The following SDC3 variants were observed in gnomAD, a reference collection of about 807,000 sequenced individuals.
SDC3 encodes the protein syndecan-3.
A neutral mutation model predicts 24.4 loss-of-function variants in SDC3; 13 were observed. That is an observed-to-expected ratio of 0.53 (90% confidence interval 0.35 to 0.85). The LOEUF (loss-of-function observed/expected upper bound fraction) is 0.85, where lower values mean the gene tolerates loss of function less well. SDC3 is among the 40% of genes least tolerant of loss of function. SDC3 has a pLI of 0.01. For missense variants in SDC3, 571 were observed against 584.5 expected, an observed-to-expected ratio of 0.98 and a Z score of 0.24; for synonymous variants, 295 against 260.9, an observed-to-expected ratio of 1.13 and a Z score of -1.26.
intron 1 of SDC3, among the ~76,000 whole-genome samples, chr1:30,906,842 GA>G (rs1238702935): frequency 6.6e-6 from 1 of 152,168 alleles, no homozygotes; most frequent in Non-Finnish European, 1.5e-5. Flanking sequence ...CTGAGAAGGC[GA>G]CCCCAGCTGC....
At chr1:30,883,954 G>T (rs753000566) in intron 1 of SDC3, among the ~76,000 whole-genome samples, 1 of 152,124 alleles carries the variant, frequency 6.6e-6, no homozygotes, top group Non-Finnish European at 1.5e-5. Flanking sequence ...TGCCCCTCAC[G>T]CTCACCAGAT....
chr1:30,874,730 G>T, intron 3 of SDC3, 142 bp from the exon 4 acceptor site: 1 of 769,044 alleles, frequency 1.3e-6, no homozygotes, highest in South Asian at 1.8e-5. Flanking sequence ...ATGAAGGAGT[G>T]TAACAATGCC....
At chr1:30,895,413 A>G (rs1293757572) in intron 1 of SDC3, among the ~76,000 whole-genome samples, 2 of 152,192 alleles carry the variant, frequency 1.3e-5, no homozygotes, top group Non-Finnish European at 1.5e-5. Context: ...CGCAGCTCAC[A>G]TGAGAATAGG....
At chr1:30,874,696 G>A (rs1446401114) in intron 3 of SDC3, 108 bp from the exon 4 acceptor site, 6 of 1,004,524 alleles carry the variant, frequency 6.0e-6, no homozygotes, top group Admixed American at 4.0e-5. Flanking sequence ...CTACATGCCA[G>A]GCACTGTGCT....
At chr1:30,880,898 G>C (rs531347344) in intron 1 of SDC3, 1 of 151,928 alleles carries the variant, frequency 6.6e-6, no homozygotes, top group Admixed American at 6.5e-5. Flanking sequence ...CCTTAAAGGA[G>C]AACTGAATCC....
chr1:30,874,317 T>G lies in SDC3; in HGVS notation c.1142A>C (p.Glu381Ala). 6.2e-7 allele frequency: 1 copy of G among 1,611,144 alleles called. No individual in the cohort carries two copies. The highest frequency in any genetic ancestry group is 8.5e-7 in the Non-Finnish European group (1 of 1,178,842). Residue 381 changes from glutamate to alanine, a missense_variant, in exon 4 of 5, where the codon GAG (glutamate) becomes GCG (alanine). Glu to Ala is a moderately radical substitution (Grantham distance 107, BLOSUM62 -1). Coordinates refer to ENST00000339394, the MANE Select transcript of SDC3 (RefSeq NM_014654.4). Reference protein sequence around the residue: ...AAQLPQKSILERKEVLVAVIV... With the variant: ...AAQLPQKSILARKEVLVAVIV... ...CTCACCTACGAGCACCTCCTTCCGC[T>G]CCAGGATACTCTTCTGAGGCAGCTG...
Position 30,871,446 on chromosome 1 carries a change from G to A in SDC3, c.*1765C>T, listed in dbSNP as rs1639534436. 6.6e-6 allele frequency: 1 copy of A among 152,240 alleles called. No homozygotes were observed. Among genetic ancestry groups the A allele is most frequent in the Non-Finnish European group, 1.5e-5 (1 of 68,054 alleles). The allele number at this position is 152,240 out of a possible 1,614,324, so 9.4% of individuals were successfully genotyped here. A position where few individuals can be genotyped will look rare whatever the true frequency, so the allele number is the denominator to read the frequency against. ...CGATGGAAATAGCCCTACTTGCTAG[G>A]TAACAAAGGAAGTAACCCCTCCCCC... is the stretch of plus-strand genomic sequence containing the variant. On this transcript the variant is annotated 3_prime_UTR_variant, in exon 5 of 5. Coordinates refer to ENST00000339394, the MANE Select transcript of SDC3 (RefSeq NM_014654.4).
chr1:30,876,705 CAAG>C lies in SDC3; in HGVS notation c.714_716del (p.Leu239del). ...GCCTGGGTGTTGGGGCCTCGGTGTC[CAAG>C]ACAGCCGCCGTGGTGGGCGGGGAGG... On this transcript the variant is annotated inframe_deletion, in exon 3 of 5. Coordinates refer to ENST00000339394, the MANE Select transcript of SDC3 (RefSeq NM_014654.4). The C allele has an allele frequency of 1.9e-6, 3 of 1,600,394 alleles. No individual in the cohort carries two copies. The highest frequency in any genetic ancestry group is 2.6e-6 in the Non-Finnish European group (3 of 1,172,868).
At chr1:30,886,444 G>T (rs1034593506) in intron 1 of SDC3, among the ~76,000 whole-genome samples, 1 of 152,100 alleles carries the variant, frequency 6.6e-6, no homozygotes, top group African/African-American at 2.4e-5. Context: ...CCACTGTGTT[G>T]TCATTTACTA....
chr1:30,908,601 C>CGCGGGAG lies in SDC3; in HGVS notation c.-16_-15insCTCCCGC. The CGCGGGAG allele has an allele frequency of 1.0e-6, 1 of 966,086 alleles. No homozygotes were observed. Among genetic ancestry groups the CGCGGGAG allele is most frequent in the Non-Finnish European group, 1.2e-6 (1 of 816,750 alleles). 59.8% of individuals were successfully genotyped at this position (966,086 alleles called of 1,614,324 possible). A position where few individuals can be genotyped will look rare whatever the true frequency, so the allele number is the denominator to read the frequency against. ...CCCGGCTTCATGGCGGCGGCGCGGG[C>CGCGGGAG]GCGGGCGGCGGGCGGCGGGCGGGCG... On this transcript the variant is annotated 5_prime_UTR_variant, in exon 1 of 5. Coordinates refer to ENST00000339394, the MANE Select transcript of SDC3 (RefSeq NM_014654.4).
At chr1:30,892,761 TGTAGCACCATGGTCACCCTC>T (rs548776721) in intron 1 of SDC3, among the ~76,000 whole-genome samples, 2 of 152,312 alleles carry the variant, frequency 1.3e-5, no homozygotes, top group African/African-American at 4.8e-5. Flanking sequence ...TGCAACACCC[TGTAGCACCATGGTCACCCTC>T]CAGCTTCATA....
At chr1:30,883,744 G>T (rs940544575) in intron 1 of SDC3, among the ~76,000 whole-genome samples, 5 of 152,172 alleles carry the variant, frequency 3.3e-5, no homozygotes, top group African/African-American at 1.2e-4. Context: ...CACAGAGAGG[G>T]GAAAGCCTTG....
At position 30,877,093 on chromosome 1, in the gene SDC3, G is replaced by A. The variant is rs1639657338; in HGVS notation, c.329C>T (p.Thr110Ile). ...SPDVALAVST[T>I]PAVLPTTNIQ... The stretch of plus-strand genomic sequence containing the variant: ...GTTCGTGGTGGGCAGCACCGCAGGT[G>A]TGGTGGACACCGCCAGGGCTACATC... The change falls in exon 3 of 5, where the codon ACA becomes ATA. Residue 110 changes from threonine (T) to isoleucine (I), a missense_variant. By Grantham distance (89) the Thr-to-Ile change is moderately conservative (BLOSUM62 -1). Around this residue, in one of 2 missense-constraint regions of SDC3, gnomAD observed 497 missense variants for 471.6 expected, o/e 1.05. Coordinates refer to ENST00000339394, the MANE Select transcript of SDC3 (RefSeq NM_014654.4). 1.2e-6 allele frequency: 2 copies of A among 1,613,912 alleles called. No individual in the cohort carries two copies. Among genetic ancestry groups the A allele is most frequent in the Non-Finnish European group, 1.7e-6 (2 of 1,179,984 alleles).
intron 1 of SDC3, among the ~76,000 whole-genome samples, chr1:30,885,825 G>A (rs1428057235): frequency 6.6e-6 from 1 of 152,152 alleles, no homozygotes; most frequent in Non-Finnish European, 1.5e-5. Context: ...GCCAGTCTCT[G>A]TTGAGGTGCA....
intron 3 of SDC3, among the ~76,000 whole-genome samples, chr1:30,876,008 T>A (rs1433216499): frequency 1.3e-5 from 2 of 152,114 alleles, no homozygotes; most frequent in South Asian, 4.1e-4. Context: ...CTCAGACCCA[T>A]GATAATAACA....
rs559357041 is a variant in SDC3, at chr1:30,903,973, C to T, written c.138+4476G>A. Among the ~76,000 whole-genome samples the T allele has an allele frequency of 5.0e-4, 76 of 152,252 alleles. No homozygotes were observed. In the Middle Eastern group the frequency reaches 0.014, roughly 27 times the overall value. The stretch of plus-strand genomic sequence containing the variant: ...GGGTTGTGGCTCACAACTGTAATCC[C>T]AGCACTTTGCGGGGGCCGAGGTGGG... On this transcript the variant is annotated intron_variant, in intron 1 of 4. Coordinates refer to ENST00000339394, the MANE Select transcript of SDC3 (RefSeq NM_014654.4).
In SDC3 at chr1:30,885,736, G is replaced by A. The variant is rs368852941; in HGVS notation, c.139-6996C>T. ...CTCCCCTGGCATCAGCCTGTCTGGC[G>A]GCCACCTTGGCCTGTGGTGCCCAGA... is the stretch of plus-strand genomic sequence containing the variant. On this transcript the variant is annotated intron_variant, in intron 1 of 4. Transcript: ENST00000339394. Among the ~76,000 whole-genome samples the A allele has an allele frequency of 5.3e-4, 80 of 152,320 alleles. No individual in the cohort carries two copies. The East Asian group carries it at 0.012, about 23-fold the overall frequency.
intron 1 of SDC3, among the ~76,000 whole-genome samples, chr1:30,894,067 G>T (rs1190109356): frequency 2.0e-5 from 3 of 152,054 alleles, no homozygotes; most frequent in Non-Finnish European, 4.4e-5. Flanking sequence ...TAGACCCTGG[G>T]ATTAAGAGTC....
intron 1 of SDC3, among the ~76,000 whole-genome samples, chr1:30,907,311 C>G (rs965530917): frequency 4.6e-5 from 7 of 152,166 alleles, no homozygotes; most frequent in African/African-American, 1.7e-4. Flanking sequence ...GGGATGAGGT[C>G]CTTCCTTTCT....
Sources: allele counts gnomAD v4.1 joint callset (sites outside exome capture counted in the v4.1 genomes callset), GRCh38; gene constraint gnomAD v4.1.1; regional missense constraint gnomAD v4.1.1; transcripts MANE v1.5; gene names NCBI Gene and HGNC (gene_info 2026-07-23, HGNC 2026-07-21).